DNMT3B: variants seen among roughly 807,000 people sequenced by gnomAD.
DNMT3B encodes DNA methyltransferase 3 beta.
Under a neutral mutation model 120.2 loss-of-function variants are expected in DNMT3B, and 37 were observed. The observed-to-expected ratio is 0.31, with a 90% CI of 0.24 to 0.40. The LOEUF (loss-of-function observed/expected upper bound fraction) is 0.40. Among genes scored for constraint, DNMT3B ranks in the 10% least tolerant of loss-of-function variants. The pLI is 1.00. For missense variants in DNMT3B, 878 were observed against 1,137.3 expected (o/e 0.77, Z 3.28); for synonymous variants, 412 against 442.8 (o/e 0.93, Z 0.87).
chr20:32,787,362 G>A lies in DNMT3B; in HGVS notation c.565G>A (p.Ala189Thr), dbSNP rs147591633. 132 of 1,614,200 alleles carry A rather than the reference G, an allele frequency of 8.2e-5. 1 individual carries two copies. The African/African-American group carries it at 1.5e-3, about 19-fold the overall frequency. Residue 189 changes from alanine to threonine, a missense_variant, in exon 6 of 23, where the codon GCC (alanine) becomes ACC (threonine). Around this residue, in one of 4 missense-constraint regions of DNMT3B, gnomAD observed 287 missense variants for 306.2 expected, o/e 0.94. Coordinates refer to ENST00000328111, the MANE Select transcript of DNMT3B (RefSeq NM_006892.4). ...GCCCCAGAGCAGCAGTACCCCCTAC[G>A]CCCGCCTAGCCCAGGACAGCCAGCA... Reference protein sequence around the residue: ...GTPQSSSTPYARLAQDSQQGG... With the variant: ...GTPQSSSTPYTRLAQDSQQGG...
chr20:32,772,304 T>C (rs917608988), intron 1 of DNMT3B, among the ~76,000 whole-genome samples: 2 of 152,216 alleles, frequency 1.3e-5, no homozygotes, highest in Admixed American at 6.5e-5. Context: ...ACTGAACCAG[T>C]ATCCCTGCTG....
At chr20:32,795,242 G>A (rs891935736) in intron 10 of DNMT3B, among the ~76,000 whole-genome samples, 167 bp from the exon 11 acceptor site, 9 of 152,200 alleles carry the variant, frequency 5.9e-5, no homozygotes, top group African/African-American at 2.2e-4. Context: ...TTTTGAATGA[G>A]CTCCTGTTGT....
chr20:32,780,610 C>A, intron 2 of DNMT3B, 145 bp downstream of exon 2: 1 of 1,347,532 alleles, frequency 7.4e-7, no homozygotes, highest in Non-Finnish European at 1.0e-6. Context: ...AGGAGGGATG[C>A]AGGGTCGAGC....
chr20:32,779,791 G>A, intron 1 of DNMT3B: 1 of 497,196 alleles, frequency 2.0e-6, no homozygotes. Flanking sequence ...CCATGGAGAG[G>A]AGAGAAGCGG....
At chr20:32,795,627 A>T in intron 11 of DNMT3B, 23 bp from the exon 12 acceptor site, 1 of 1,612,050 alleles carries the variant, frequency 6.2e-7, no homozygotes, top group Admixed American at 1.7e-5. Flanking sequence ...ACCTCATCTC[A>T]TGCCTTCTTC....
intron 14 of DNMT3B, 58 bp from the exon 15 acceptor site, chr20:32,798,402 G>T (rs1183340350): frequency 5.6e-6 from 9 of 1,605,716 alleles, no homozygotes; most frequent in Admixed American, 5.0e-5. Context: ...GTGGTAAGGG[G>T]GTGGCACAGG....
chr20:32,786,607 G>C lies in DNMT3B; in HGVS notation c.412G>C (p.Val138Leu). The stretch of plus-strand genomic sequence containing the variant: ...CCGCAACCATGTGGACGAGTCCCCC[G>C]TGGAGTTCCCGGCTACCAGGGTTGG... Reference protein sequence around the residue: ...QGRNHVDESPVEFPATRSLRR... With the variant: ...QGRNHVDESPLEFPATRSLRR... The change falls in exon 5 of 23, where the codon GTG becomes CTG. Residue 138 changes from valine to leucine, a missense_variant. Coordinates refer to ENST00000328111, the MANE Select transcript of DNMT3B (RefSeq NM_006892.4). 1 of 1,613,868 alleles carries C rather than the reference G, an allele frequency of 6.2e-7. No homozygotes were observed. Among genetic ancestry groups the C allele is most frequent in the South Asian group, 1.1e-5 (1 of 91,086 alleles).
intron 22 of DNMT3B, among the ~76,000 whole-genome samples, chr20:32,806,644 A>G (rs1464910284): frequency 1.3e-5 from 2 of 152,168 alleles, no homozygotes; most frequent in Non-Finnish European, 2.9e-5. Flanking sequence ...AGAAAACCCC[A>G]CAGACATGCC....
chr20:32,781,368 C>G lies in DNMT3B; in HGVS notation c.158C>G (p.Ser53Trp). Reference sequence around the variant, plus strand: ...TCCTCTACAGGCCGAAGATCAAGCTCGCGACTCTCCAAGAGGGAGGTGTCC... The same window carrying G: ...TCCTCTACAGGCCGAAGATCAAGCTGGCGACTCTCCAAGAGGGAGGTGTCC... The part of the protein sequence containing the change: ...TPEIRGRRSS[S>W]RLSKREVSSL... The change falls in exon 3 of 23, where the codon TCG (serine) becomes TGG (tryptophan). Residue 53 changes from serine to tryptophan, a missense_variant. This residue lies in a region of DNMT3B where 287 missense variants were observed against 306.2 expected (regional missense o/e 0.94). Transcript: ENST00000328111. The G allele has an allele frequency of 6.2e-7, 1 of 1,614,152 alleles. No homozygotes were observed. The highest frequency in any genetic ancestry group is 8.5e-7 in the Non-Finnish European group (1 of 1,180,038).
chr20:32,802,478 A>G lies in DNMT3B; in HGVS notation c.2231+8A>G, dbSNP rs1981477366. The G allele has an allele frequency of 6.2e-7, 1 of 1,614,108 alleles. No individual in the cohort carries two copies. Among genetic ancestry groups the G allele is most frequent in the African/African-American group, 1.3e-5 (1 of 75,046 alleles). On this transcript the variant is annotated splice_region_variant and intron_variant, in intron 20 of 22. Coordinates refer to ENST00000328111, the MANE Select transcript of DNMT3B (RefSeq NM_006892.4). ...CCTACCCGGGATGAACAGGTAACAA[A>G]GGGCTCTTAGTGGGTCAGGTAACAG...
At chr20:32,800,122 T>G (rs370758265) in intron 16 of DNMT3B, 31 bp from the exon 17 acceptor site, 5 of 1,614,058 alleles carry the variant, frequency 3.1e-6, no homozygotes, top group Non-Finnish European at 3.4e-6. Flanking sequence ...TCAGCATCAT[T>G]TATGCTTCTG....
At chr20:32,780,245 C>T in intron 1 of DNMT3B, 73 bp from the exon 2 acceptor site, 1 of 1,613,328 alleles carries the variant, frequency 6.2e-7, no homozygotes, top group East Asian at 2.2e-5. Flanking sequence ...ACACAGAGCC[C>T]ATGGCGGGGG....
At position 32,808,521 on chromosome 20, in the gene DNMT3B, A is replaced by G; in HGVS notation, c.*618A>G. On this transcript the variant is annotated 3_prime_UTR_variant, in exon 23 of 23. Coordinates refer to ENST00000328111, the MANE Select transcript of DNMT3B (RefSeq NM_006892.4). ...GAGTCTGCACGGGACCTATTAGAGTATTTTCCACAATGATGATGATTTCAG... is the reference window on the plus strand; with the variant it reads ...GAGTCTGCACGGGACCTATTAGAGTGTTTTCCACAATGATGATGATTTCAG... 1 of 231,346 alleles carries G rather than the reference A, an allele frequency of 4.3e-6. No homozygotes were observed. The highest frequency in any genetic ancestry group is 8.5e-6 in the Non-Finnish European group (1 of 116,960). The allele number at this position is 231,346 out of a possible 1,614,324, so 14.3% of individuals were successfully genotyped here.
intron 1 of DNMT3B, among the ~76,000 whole-genome samples, chr20:32,768,003 T>C (rs1987488575): frequency 6.6e-6 from 1 of 152,158 alleles, no homozygotes; most frequent in South Asian, 2.1e-4. Context: ...GGGCGTTTGC[T>C]GCAGCCAGAA....
intron 18 of DNMT3B, 67 bp downstream of exon 18, chr20:32,800,992 C>T (rs1981268740): frequency 1.3e-6 from 2 of 1,582,368 alleles, no homozygotes; most frequent in African/African-American, 2.7e-5. Flanking sequence ...CCAGGTGCAG[C>T]AGCCTGAGAA....
rs1020586270 is a variant in DNMT3B, at chr20:32,808,556, C to T, written c.*653C>T. ...ATGATGATGATTTCAGCAGGGATGA[C>T]GTCATCATCACATTCAGGGCTATTT... On this transcript the variant is annotated 3_prime_UTR_variant, in exon 23 of 23. Transcript: ENST00000328111. The T allele has an allele frequency of 4.7e-5, 11 of 231,614 alleles. No individual in the cohort carries two copies. The highest frequency in any genetic ancestry group is 1.3e-3 in the Middle Eastern group (1 of 794). 14.3% of individuals were successfully genotyped at this position (231,614 alleles called of 1,614,324 possible). A position where few individuals can be genotyped will look rare whatever the true frequency, so the allele number is the denominator to read the frequency against.
chr20:32,773,960 T>TTTTA (rs60255175), intron 1 of DNMT3B, among the ~76,000 whole-genome samples: 4 of 146,248 alleles, frequency 2.7e-5, no homozygotes, highest in East Asian at 4.0e-4. Context: ...TTTTTTTTTT[T>TTTTA]ACGCTTTCCT....
chr20:32,799,814 G>T (rs1374414810), intron 16 of DNMT3B, among the ~76,000 whole-genome samples: 1 of 152,152 alleles, frequency 6.6e-6, no homozygotes, highest in Non-Finnish European at 1.5e-5. Context: ...CACCGTGCCT[G>T]GGCAGTCTTG....
intron 6 of DNMT3B, among the ~76,000 whole-genome samples, chr20:32,787,746 C>T (rs151032542): frequency 9.5e-4 from 145 of 152,238 alleles, no homozygotes; most frequent in African/African-American, 3.3e-3. Context: ...ATTTCATGTA[C>T]GCCCGTGTGA....
Sources: gnomAD v4.1 joint callset for allele counts (sites outside exome capture counted in the v4.1 genomes callset) on GRCh38, gnomAD v4.1.1 for gene constraint, gnomAD v4.1.1 regional missense constraint, MANE v1.5 for transcripts, NCBI Gene and HGNC (gene_info 2026-07-23, HGNC 2026-07-21) for gene names.